The following QTGAL variants were observed in gnomAD, a reference collection of about 807,000 sequenced individuals.
QTGAL encodes BGnT-like protein 1.
chr17:82,991,547 C>G, the QTGAL span, among the ~76,000 whole-genome samples: 109 of 152,336 alleles, frequency 7.2e-4, 3 homozygotes, highest in East Asian at 0.019. Flanking sequence ...TCGCAACACT[C>G]AAGTCCTACT....
At chr17:83,000,340 C>T in the QTGAL span, among the ~76,000 whole-genome samples, 5 of 152,174 alleles carry the variant, frequency 3.3e-5, no homozygotes, top group Admixed American at 1.3e-4. Flanking sequence ...CCTCACCCAG[C>T]GTTTTAAGCA....
the QTGAL span, among the ~76,000 whole-genome samples, chr17:83,034,184 T>C: frequency 1.0e-4 from 15 of 149,866 alleles, no homozygotes; most frequent in Middle Eastern, 3.5e-3. Flanking sequence ...AGGTGATCCA[T>C]CTGCCTCGGC....
the QTGAL span, among the ~76,000 whole-genome samples, chr17:83,043,233 T>A: frequency 1.9e-4 from 28 of 143,942 alleles, no homozygotes; most frequent in South Asian, 1.7e-3. Context: ...TTCTCAGGTG[T>A]GCACAGCGCA....
the QTGAL span, among the ~76,000 whole-genome samples, chr17:82,970,453 G>A: frequency 0.16 from 23,036 of 146,448 alleles, 2,319 homozygotes; most frequent in African/African-American, 0.25. Flanking sequence ...TCTGCAGCCA[G>A]ACACCTGGAG....
chr17:82,957,530 G>T, the QTGAL span: 2 of 1,572,734 alleles, frequency 1.3e-6, no homozygotes, highest in Non-Finnish European at 1.7e-6. Flanking sequence ...CAGGCCGGAG[G>T]CCCCACAGAT....
the QTGAL span, among the ~76,000 whole-genome samples, chr17:83,032,748 C>A: frequency 7.2e-5 from 11 of 152,204 alleles, no homozygotes; most frequent in Non-Finnish European, 1.6e-4. Flanking sequence ...CGGGAGAAAT[C>A]TGAGGTGTTT....
chr17:82,968,192 C>T, the QTGAL span, among the ~76,000 whole-genome samples: 2 of 151,696 alleles, frequency 1.3e-5, no homozygotes, highest in African/African-American at 4.8e-5. Flanking sequence ...CGTGTGTTCA[C>T]GGCAGTCCCA....
At chr17:82,971,586 G>A in the QTGAL span, among the ~76,000 whole-genome samples, 1 of 150,218 alleles carries the variant, frequency 6.7e-6, no homozygotes, top group Admixed American at 6.6e-5. Flanking sequence ...CACTCATAGG[G>A]GCCAGAAGGA....
At chr17:82,970,514 T>TCCTCCGCACACAGCGTGGACATGA in the QTGAL span, among the ~76,000 whole-genome samples, 1 of 56,658 alleles carries the variant, frequency 1.8e-5, no homozygotes, top group South Asian at 5.9e-4. Context: ...CAAACACAGG[T>TCCTCCGCACACAGCGTGGACATGA]CCTCCCCACC....
chr17:83,021,061 A>G, the QTGAL span, among the ~76,000 whole-genome samples: 1 of 152,240 alleles, frequency 6.6e-6, no homozygotes, highest in Non-Finnish European at 1.5e-5. Flanking sequence ...TATTTGCTTT[A>G]TGATACTTTA....
the QTGAL span, among the ~76,000 whole-genome samples, chr17:82,999,020 CATACAT>C: frequency 6.6e-6 from 1 of 151,652 alleles, no homozygotes; most frequent in Non-Finnish European, 1.5e-5. Flanking sequence ...ACTGAATTCT[CATACAT>C]GGCTTGAGAA....
chr17:82,965,840 ACAGATGAATCCGTGT>A, the QTGAL span: 1 of 1,295,358 alleles, frequency 7.7e-7, no homozygotes, highest in Non-Finnish European at 1.1e-6. Context: ...CGAGAAAGTG[ACAGATGAATCCGTGT>A]CCCTTCTCCA....
At chr17:83,048,412 T>C in the QTGAL span, 3 of 1,415,574 alleles carry the variant, frequency 2.1e-6, no homozygotes, top group Non-Finnish European at 3.0e-6. Context: ...ACTGTTTCGG[T>C]ACGTAAGTTG....
chr17:82,982,863 C>T, the QTGAL span, among the ~76,000 whole-genome samples: 1 of 152,076 alleles, frequency 6.6e-6, no homozygotes, highest in East Asian at 1.9e-4. Flanking sequence ...GGGTCTGTGG[C>T]TGCCACATCG....
At chr17:83,025,840 G>A in the QTGAL span, among the ~76,000 whole-genome samples, 1,019 of 152,372 alleles carry the variant, frequency 6.7e-3, 10 homozygotes, top group South Asian at 0.037. Flanking sequence ...AGTCGTGTCC[G>A]GGTGAGTACA....
At chr17:82,942,203 G>T in the QTGAL span, 1 of 576,368 alleles carries the variant, frequency 1.7e-6, no homozygotes, top group East Asian at 2.9e-5. Context: ...GTGAATGCAG[G>T]TTAAGAGCAG....
the QTGAL span, among the ~76,000 whole-genome samples, chr17:83,050,661 G>A: frequency 6.6e-6 from 1 of 152,224 alleles, no homozygotes; most frequent in Non-Finnish European, 1.5e-5. Context: ...TCCCTGCATC[G>A]GCCTATTGGC....
At chr17:82,969,284 G>A in the QTGAL span, among the ~76,000 whole-genome samples, 15 of 137,822 alleles carry the variant, frequency 1.1e-4, no homozygotes, top group South Asian at 2.5e-4. Context: ...CTCGGCCATC[G>A]GAGTAGCTGG....
chr17:83,012,564 G>C, the QTGAL span, among the ~76,000 whole-genome samples: 2 of 152,142 alleles, frequency 1.3e-5, no homozygotes, highest in Admixed American at 6.5e-5. Context: ...CTCACGGGCC[G>C]GCACAGGGTC....
Sources: allele counts gnomAD v4.1 joint callset (sites outside exome capture counted in the v4.1 genomes callset), GRCh38; gene constraint gnomAD v4.1.1; transcripts MANE v1.5; gene names NCBI Gene and HGNC (gene_info 2026-07-23, HGNC 2026-07-21).